Variants in ZNF260 observed in about 807,000 individuals in gnomAD.
The protein encoded by ZNF260 is zfp-260.
Under a neutral mutation model 29.3 loss-of-function variants are expected in ZNF260, and 21 were observed. That is an observed-to-expected ratio of 0.72 (90% CI 0.51 to 1.03). The LOEUF (loss-of-function observed/expected upper bound fraction) is 1.03. ZNF260 is among the 50% of genes least tolerant of loss of function. The pLI is 0.00. For synonymous variants in ZNF260, 156 were observed against 156.8 expected (o/e 0.99, Z 0.04); for missense variants, 465 against 487.8 (o/e 0.95, Z 0.44).
chr19:36,527,354 TTAAGAA>T (rs1409034984), intron 1 of ZNF260, among the ~76,000 whole-genome samples: 3 of 152,218 alleles, frequency 2.0e-5, no homozygotes, highest in African/African-American at 4.8e-5. Flanking sequence ...GAAAAATATG[TTAAGAA>T]TAAGTGTGAC....
chr19:36,522,008 C>T (rs939651063), intron 2 of ZNF260, among the ~76,000 whole-genome samples: 2 of 152,028 alleles, frequency 1.3e-5, no homozygotes, highest in African/African-American at 4.8e-5. Context: ...GAGATCGCGC[C>T]ACTGCACTCC....
chr19:36,516,665 G>A (rs1274305375), intron 2 of ZNF260, among the ~76,000 whole-genome samples: 4 of 152,058 alleles, frequency 2.6e-5, no homozygotes, highest in Non-Finnish European at 4.4e-5. Flanking sequence ...TGCAAGCTCC[G>A]CCTCCTGGGT....
intron 2 of ZNF260, among the ~76,000 whole-genome samples, chr19:36,516,311 T>TA (rs1250598225): frequency 2.6e-5 from 4 of 152,092 alleles, no homozygotes; most frequent in Non-Finnish European, 5.9e-5. Flanking sequence ...TGAGAGAAAA[T>TA]AAGGCTAGGT....
At chr19:36,523,067 T>G (rs2034672756) in intron 2 of ZNF260, among the ~76,000 whole-genome samples, 1 of 152,214 alleles carries the variant, frequency 6.6e-6, no homozygotes, top group Non-Finnish European at 1.5e-5. Context: ...TGTCTAATAG[T>G]GATCTAACTT....
At chr19:36,527,791 T>G (rs1403839309) in intron 1 of ZNF260, among the ~76,000 whole-genome samples, 4 of 152,172 alleles carry the variant, frequency 2.6e-5, no homozygotes, top group Admixed American at 2.0e-4. Flanking sequence ...TGTTTTCTAC[T>G]CCACAATAGG....
At chr19:36,522,801 A>C (rs143116373) in intron 2 of ZNF260, among the ~76,000 whole-genome samples, 215 of 152,334 alleles carry the variant, frequency 1.4e-3, no homozygotes, top group African/African-American at 4.9e-3. Flanking sequence ...AGGGACCATA[A>C]GCACCAAAGT....
rs1481530750 is a variant in ZNF260, at chr19:36,511,930, GAC to G, written c.*2068_*2069del. The stretch of plus-strand genomic sequence containing the variant: ...ATGGCTTATAAAAAAATTGAAGAGT[GAC>G]ACAGTTTTCTCATTTTAAAAGTGGC... On this transcript the variant is annotated 3_prime_UTR_variant, in exon 3 of 3. Coordinates refer to ENST00000523638, the MANE Select transcript of ZNF260 (RefSeq NM_001166037.2). 3.9e-5 allele frequency: 6 copies of G among 152,102 alleles called. No individual in the cohort carries two copies. Among genetic ancestry groups the G allele is most frequent in the Non-Finnish European group, 7.3e-5 (5 of 68,030 alleles). The allele number at this position is 152,102 out of a possible 1,614,324, so 9.4% of individuals were successfully genotyped here.
chr19:36,527,383 T>C (rs527554927), intron 1 of ZNF260, among the ~76,000 whole-genome samples: 1 of 152,342 alleles, frequency 6.6e-6, no homozygotes, highest in East Asian at 1.9e-4. Context: ...GATACTTGAA[T>C]ATGTTGATAT....
At position 36,516,229 on chromosome 19, in the gene ZNF260, A is replaced by G. The variant is rs183548260; in HGVS notation, c.-461-530T>C. On this transcript the variant is annotated intron_variant, in intron 2 of 2. Transcript: ENST00000523638. ...ATTATAAAATAAAGTTCAAATACAA[A>G]TAACATTCCCAGGTATGTGTAATTT... Among the ~76,000 whole-genome samples the G allele has an allele frequency of 3.3e-5, 5 of 152,280 alleles. No individual in the cohort carries two copies. The East Asian group carries it at 9.7e-4, about 29-fold the overall frequency.
chr19:36,520,211 AAAAG>A lies in ZNF260; in HGVS notation c.-461-4516_-461-4513del, dbSNP rs1369924476. Among the ~76,000 whole-genome samples the A allele has an allele frequency of 4.6e-5, 7 of 150,738 alleles. No individual in the cohort carries two copies. In the East Asian group the frequency reaches 5.8e-4, roughly 12 times the overall value. Reference sequence around the variant, plus strand: ...GAGACTCTGTCTCAAAAAAAAAAAAAAAAGAAAGAAAGAAAAAGGAAAGAAAAAC... The same window carrying A: ...GAGACTCTGTCTCAAAAAAAAAAAAAAAAGAAAGAAAAAGGAAAGAAAAAC... On this transcript the variant is annotated intron_variant, in intron 2 of 2. Coordinates refer to ENST00000523638, the MANE Select transcript of ZNF260 (RefSeq NM_001166037.2).
At position 36,513,817 on chromosome 19, in the gene ZNF260, T is replaced by C. The variant is rs1361542276; in HGVS notation, c.*183A>G. On this transcript the variant is annotated 3_prime_UTR_variant, in exon 3 of 3. Transcript: ENST00000523638. ...ATTGATAATGCTTGTTGTGGGAGTT[T>C]TGGGGGTACGGGTTTTCTTTACACT... The C allele has an allele frequency of 3.1e-6, 2 of 638,006 alleles. No individual in the cohort carries two copies. The highest frequency in any genetic ancestry group is 1.8e-5 in the African/African-American group (1 of 54,566). The allele number at this position is 638,006 out of a possible 1,614,324, so 39.5% of individuals were successfully genotyped here.
chr19:36,522,432 G>A (rs2034661656), intron 2 of ZNF260, among the ~76,000 whole-genome samples: 1 of 151,884 alleles, frequency 6.6e-6, no homozygotes, highest in African/African-American at 2.4e-5. Flanking sequence ...CTCTGGCCTA[G>A]GCAACAAGAG....
intron 2 of ZNF260, among the ~76,000 whole-genome samples, chr19:36,523,566 T>C (rs1347487489): frequency 2.0e-5 from 3 of 151,474 alleles, no homozygotes; most frequent in Non-Finnish European, 4.4e-5. Flanking sequence ...TTGATAATAA[T>C]AGTATTATTT....
Position 36,526,232 on chromosome 19 carries a change from C to T in ZNF260, c.-680-859G>A, listed in dbSNP as rs1241163095. On this transcript the variant is annotated intron_variant, in intron 1 of 2. Transcript: ENST00000523638. The stretch of plus-strand genomic sequence containing the variant: ...CTGTGGATACCAAAATCTGCAGATG[C>T]TCAAGTCCCTTATACTTCAAATATA... Among the ~76,000 whole-genome samples, 5 of 152,268 alleles carry T rather than the reference C, an allele frequency of 3.3e-5. No homozygotes were observed. The East Asian group carries it at 7.7e-4, about 24-fold the overall frequency.
In ZNF260 at chr19:36,513,827, G is replaced by A. The variant is rs188750572; in HGVS notation, c.*173C>T. 24 of 674,898 alleles carry A rather than the reference G, an allele frequency of 3.6e-5. No homozygotes were observed. The highest frequency in any genetic ancestry group is 5.9e-5 in the Admixed American group (2 of 33,910). The allele number at this position is 674,898 out of a possible 1,614,324, so 41.8% of individuals were successfully genotyped here. A position where few individuals can be genotyped will look rare whatever the true frequency, so the allele number is the denominator to read the frequency against. On this transcript the variant is annotated 3_prime_UTR_variant, in exon 3 of 3. Coordinates refer to ENST00000523638, the MANE Select transcript of ZNF260 (RefSeq NM_001166037.2). The stretch of plus-strand genomic sequence containing the variant: ...CTTGTTGTGGGAGTTTTGGGGGTAC[G>A]GGTTTTCTTTACACTATAATACTTA...
chr19:36,524,578 G>A (rs1415852201), intron 2 of ZNF260, among the ~76,000 whole-genome samples: 2 of 134,264 alleles, frequency 1.5e-5, no homozygotes, highest in African/African-American at 5.5e-5. Context: ...GATTTGGCAG[G>A]GTCATAGGAC....
At chr19:36,520,953 G>A (rs1479597385) in intron 2 of ZNF260, among the ~76,000 whole-genome samples, 3 of 151,474 alleles carry the variant, frequency 2.0e-5, no homozygotes, top group Non-Finnish European at 2.9e-5. Context: ...GTAGTGGCAG[G>A]TGCCTGTAGT....
In ZNF260 at chr19:36,515,142, T is replaced by C. The variant is rs765866240; in HGVS notation, c.97A>G (p.Arg33Gly). The change falls in exon 3 of 3, where the codon AGA becomes GGA. Residue 33 changes from arginine to glycine, a missense_variant. Physicochemically the swap from Arg to Gly is moderately radical, Grantham distance 125. Transcript: ENST00000523638. ...TTTTGCTTCAGGCTAAAAGTTTTTC[T>C]ACATTCATTACATTCATAAGGTTTC... ...GEKPYECNECRKTFSLKQNLV... is the reference protein window; with the variant it reads ...GEKPYECNECGKTFSLKQNLV... 3 of 1,613,842 alleles carry C rather than the reference T, an allele frequency of 1.9e-6. No homozygotes were observed. The highest frequency in any genetic ancestry group is 4.5e-5 in the East Asian group (2 of 44,848).
At position 36,514,813 on chromosome 19, in the gene ZNF260, G is replaced by A. The variant is rs755695491; in HGVS notation, c.426C>T (p.Gly142=). ...GTKPYACKEC[G]KAFNGKAYLT... is the part of the protein sequence containing the mutation. ...GATATGCTTTGCCGTTAAAGGCTTT[G>A]CCACATTCCTTACATGCATAGGGTT... The change falls in exon 3 of 3, where the codon GGC becomes GGT. Residue 142 remains glycine, a synonymous_variant. Transcript: ENST00000523638. 2.7e-5 allele frequency: 43 copies of A among 1,613,670 alleles called. No homozygotes were observed. The Admixed American group carries it at 3.3e-4, about 13-fold the overall frequency.
Sources: allele counts gnomAD v4.1 joint callset (sites outside exome capture counted in the v4.1 genomes callset), GRCh38; gene constraint gnomAD v4.1.1; transcripts MANE v1.5; gene names NCBI Gene and HGNC (gene_info 2026-07-23, HGNC 2026-07-21).